Variants in ALPL observed in about 807,000 individuals in gnomAD.
ALPL encodes the protein alkaline phosphatase, tissue-nonspecific isozyme.
A neutral mutation model predicts 51.3 loss-of-function variants in ALPL; 42 were observed. That is an observed-to-expected ratio of 0.82 (90% CI 0.64 to 1.06). ALPL has a LOEUF of 1.06. Ranked by LOEUF, ALPL falls within the 50% of genes least tolerant of loss-of-function variation. The probability of loss-of-function intolerance (pLI) is 0.00; values close to 1 mark genes in which losing one functional copy is unlikely to be tolerated. For missense variants in ALPL, 589 were observed against 709.4 expected (o/e 0.83, Z 1.93); for synonymous variants, 279 against 296.4 (o/e 0.94, Z 0.60).
intron 11 of ALPL, among the ~76,000 whole-genome samples, chr1:21,576,849 G>C (rs916261632): frequency 6.6e-6 from 1 of 152,092 alleles, no homozygotes; most frequent in Non-Finnish European, 1.5e-5. Context: ...GAGACTTTGG[G>C]CATGTGACTT....
intron 1 of ALPL, among the ~76,000 whole-genome samples, chr1:21,516,438 C>T (rs923254876): frequency 6.6e-6 from 1 of 152,116 alleles, no homozygotes; most frequent in Non-Finnish European, 1.5e-5. Flanking sequence ...ATAAGCCCAA[C>T]ATGCACGTAC....
chr1:21,527,490 G>A (rs1272217229), intron 1 of ALPL, among the ~76,000 whole-genome samples: 1 of 151,786 alleles, frequency 6.6e-6, no homozygotes, highest in Non-Finnish European at 1.5e-5. Context: ...GAGGGGGCGA[G>A]GGGCTGTCTT....
chr1:21,558,261 A>G (rs1644438718), intron 2 of ALPL, among the ~76,000 whole-genome samples: 1 of 152,200 alleles, frequency 6.6e-6, no homozygotes, highest in Admixed American at 6.5e-5. Flanking sequence ...CAAGGGCAAC[A>G]GGTGTGGGGC....
chr1:21,574,096 C>T lies in ALPL; in HGVS notation c.997+297C>T, dbSNP rs2275367. The T allele has an allele frequency of 0.12, 118,712 of 985,096 alleles. 8,705 individuals carry two copies. Among genetic ancestry groups the T allele is most frequent in the East Asian group, 0.44 (3,850 of 8,748 alleles). 61.0% of individuals were successfully genotyped at this position (985,096 alleles called of 1,614,324 possible). On this transcript the variant is annotated intron_variant, in intron 9 of 11. Transcript: ENST00000374840. ...TCTTGGGGACCTGGCCCTGAAGGGGCAAGCAGCCCCTCAGCCTCACTGCCC... is the reference window on the plus strand; with the variant it reads ...TCTTGGGGACCTGGCCCTGAAGGGGTAAGCAGCCCCTCAGCCTCACTGCCC...
intron 1 of ALPL, among the ~76,000 whole-genome samples, chr1:21,532,710 T>G (rs748345843): frequency 6.6e-6 from 1 of 152,204 alleles, no homozygotes; most frequent in Non-Finnish European, 1.5e-5. Context: ...GTTCACGGCT[T>G]CTGGACCTTG....
intron 2 of ALPL, among the ~76,000 whole-genome samples, chr1:21,555,090 G>A (rs1478397459): frequency 6.6e-6 from 1 of 150,422 alleles, no homozygotes; most frequent in African/African-American, 2.5e-5. Flanking sequence ...GGGTGGGGCC[G>A]TTTTATAAGA....
In ALPL at chr1:21,577,793, C is replaced by A; in HGVS notation, c.*145C>A. 9.2e-7 allele frequency: 1 copy of A among 1,087,684 alleles called. No individual in the cohort carries two copies. Among genetic ancestry groups the A allele is most frequent in the Non-Finnish European group, 1.3e-6 (1 of 773,632 alleles). The allele number at this position is 1,087,684 out of a possible 1,614,324, so 67.4% of individuals were successfully genotyped here. On this transcript the variant is annotated 3_prime_UTR_variant, in exon 12 of 12. Coordinates refer to ENST00000374840, the MANE Select transcript of ALPL (RefSeq NM_000478.6). ...GACCCAAGAAACCAAAGTCTGCCGC[C>A]CACCTCGCTCCCCTCTGGAATCTTC...
intron 1 of ALPL, among the ~76,000 whole-genome samples, chr1:21,534,453 GGGA>G (rs1558533851): frequency 6.6e-6 from 1 of 152,210 alleles, no homozygotes; most frequent in Admixed American, 6.5e-5. Flanking sequence ...CTCTGGGAAA[GGGA>G]GGAGGATTCT....
chr1:21,565,091 GC>G (rs1443620620), intron 6 of ALPL, among the ~76,000 whole-genome samples: 1 of 152,080 alleles, frequency 6.6e-6, no homozygotes, highest in Non-Finnish European at 1.5e-5. Flanking sequence ...GGCAGAGAAA[GC>G]CCCCCTGCCC....
At chr1:21,552,819 G>A (rs974582302) in intron 1 of ALPL, among the ~76,000 whole-genome samples, 4 of 152,074 alleles carry the variant, frequency 2.6e-5, no homozygotes, top group African/African-American at 4.8e-5. Context: ...CTTTTCTAAC[G>A]GTAGAGTGTG....
rs147688908 is a variant in ALPL, at chr1:21,575,749, C to T, written c.1014C>T (p.His338=). 5.9e-5 allele frequency: 96 copies of T among 1,614,172 alleles called. No homozygotes were observed. In the East Asian group the frequency reaches 1.2e-3, roughly 20 times the overall value. The change falls in exon 10 of 12, where the codon CAC becomes CAT. Residue 338 remains histidine, a synonymous_variant. Transcript: ENST00000374840. ...TGTCCCAAGGAGGCAGAATTGACCA[C>T]GGGCACCATGAAGGAAAAGCCAAGC... ...FLLVEGGRID[H]GHHEGKAKQA...
intron 6 of ALPL, among the ~76,000 whole-genome samples, chr1:21,566,285 TTTA>T (rs1266814163): frequency 1.3e-5 from 2 of 152,154 alleles, no homozygotes; most frequent in Admixed American, 6.5e-5. Context: ...TTGCATTTTA[TTTA>T]TTATTATTAT....
chr1:21,534,696 C>G (rs568920150), intron 1 of ALPL, among the ~76,000 whole-genome samples: 148 of 152,228 alleles, frequency 9.7e-4, no homozygotes, highest in African/African-American at 3.3e-3. Flanking sequence ...TGCTAGTACC[C>G]CTTGGTAGAG....
intron 1 of ALPL, among the ~76,000 whole-genome samples, chr1:21,517,730 C>T (rs1375914391): frequency 6.6e-6 from 1 of 152,188 alleles, no homozygotes; most frequent in Non-Finnish European, 1.5e-5. Flanking sequence ...TGGCTACCCT[C>T]CCTACCACGC....
At chr1:21,571,486 C>T (rs1042168986) in intron 8 of ALPL, among the ~76,000 whole-genome samples, 5 of 151,308 alleles carry the variant, frequency 3.3e-5, no homozygotes, top group Admixed American at 6.6e-5. Context: ...TCCTGGCTAA[C>T]GAGGTGAAAC....
intron 6 of ALPL, among the ~76,000 whole-genome samples, chr1:21,566,841 C>A (rs900565886): frequency 6.6e-6 from 1 of 152,288 alleles, no homozygotes; most frequent in East Asian, 1.9e-4. Flanking sequence ...AAGTGATCCT[C>A]CCGCCTCAGC....
intron 1 of ALPL, among the ~76,000 whole-genome samples, chr1:21,553,416 GTA>G (rs1644358039): frequency 6.6e-6 from 1 of 152,140 alleles, no homozygotes; most frequent in Admixed American, 6.5e-5. Flanking sequence ...TGTAGCAAAT[GTA>G]GGGGTCCTGA....
chr1:21,523,638 A>G lies in ALPL; in HGVS notation c.-105+14121A>G, dbSNP rs72874262. ...GGAAAGGAAACTGATCTGTCACCTC[A>G]CCCCTGCCTGGGGCAGCCCAGCATG... is the stretch of plus-strand genomic sequence containing the variant. On this transcript the variant is annotated intron_variant, in intron 1 of 11. Transcript: ENST00000374840. Among the ~76,000 whole-genome samples the G allele has an allele frequency of 4.5e-3, 688 of 152,130 alleles. 9 individuals carry two copies. The highest frequency in any genetic ancestry group is 0.016 in the African/African-American group (671 of 41,508).
At chr1:21,570,164 C>A in intron 7 of ALPL, 141 bp from the exon 8 acceptor site, 3 of 791,278 alleles carry the variant, frequency 3.8e-6, no homozygotes, top group Non-Finnish European at 4.3e-6. Flanking sequence ...TTCTTGAGGT[C>A]AGGGATGGTG....
Sources: allele counts gnomAD v4.1 joint callset (sites outside exome capture counted in the v4.1 genomes callset), GRCh38; gene constraint gnomAD v4.1.1; transcripts MANE v1.5; gene names NCBI Gene and HGNC (gene_info 2026-07-23, HGNC 2026-07-21).